NPAT: variants seen among roughly 807,000 people sequenced by gnomAD.
NPAT encodes the protein nuclear protein, coactivator of histone transcription, also known as protein NPAT.
A neutral mutation model predicts 130.7 loss-of-function variants in NPAT; 52 were observed. The observed-to-expected ratio is 0.40, with a 90% confidence interval of 0.32 to 0.50. The LOEUF (loss-of-function observed/expected upper bound fraction) is 0.50, where lower values mean the gene tolerates loss of function less well. Among genes scored for constraint, NPAT ranks in the 20% least tolerant of loss-of-function variants. The pLI, the probability that NPAT is intolerant of heterozygous loss-of-function variation, is 0.68. For missense variants in NPAT, 1,687 were observed against 1,662.6 expected (o/e 1.01, Z -0.26); for synonymous variants, 580 against 584.8 (o/e 0.99, Z 0.12).
chr11:108,166,847 T>C (rs1273312816), intron 15 of NPAT, among the ~76,000 whole-genome samples: 1 of 152,210 alleles, frequency 6.6e-6, no homozygotes, highest in African/African-American at 2.4e-5. Flanking sequence ...ATTGAATTTT[T>C]GATTCAACTT....
intron 1 of NPAT, among the ~76,000 whole-genome samples, chr11:108,214,744 T>G (rs982830697): frequency 5.9e-5 from 9 of 151,930 alleles, no homozygotes; most frequent in African/African-American, 2.2e-4. Flanking sequence ...GCGATTCTCC[T>G]GCCTCAGCCT....
At chr11:108,192,254 A>C in intron 3 of NPAT, 64 bp from the exon 4 acceptor site, 1 of 983,804 alleles carries the variant, frequency 1.0e-6, no homozygotes, top group Non-Finnish European at 1.6e-6. Flanking sequence ...TTCATTCTGA[A>C]CAAAGACACA....
chr11:108,205,532 G>A (rs1380954414), intron 1 of NPAT, among the ~76,000 whole-genome samples: 1 of 152,154 alleles, frequency 6.6e-6, no homozygotes, highest in Non-Finnish European at 1.5e-5. Flanking sequence ...CCCCCACAAA[G>A]TGCTGGGATT....
intron 17 of NPAT, among the ~76,000 whole-genome samples, chr11:108,159,778 A>C (rs1045711167): frequency 6.6e-6 from 1 of 152,100 alleles, no homozygotes; most frequent in Non-Finnish European, 1.5e-5. Flanking sequence ...TGGGAGGCCA[A>C]GGTGCGCAGA....
At chr11:108,203,208 G>A (rs779744192) in intron 1 of NPAT, among the ~76,000 whole-genome samples, 3 of 152,058 alleles carry the variant, frequency 2.0e-5, no homozygotes, top group Non-Finnish European at 4.4e-5. Flanking sequence ...TCTCACCAAT[G>A]ATTTCTTGCT....
chr11:108,188,041 TC>T (rs2078124989), intron 7 of NPAT, 56 bp downstream of exon 7: 2 of 1,182,308 alleles, frequency 1.7e-6, no homozygotes, highest in East Asian at 4.7e-5. Flanking sequence ...CTGATGTAAT[TC>T]TTTTTTTTTT....
At chr11:108,212,402 G>C (rs1048214983) in intron 1 of NPAT, among the ~76,000 whole-genome samples, 1 of 151,380 alleles carries the variant, frequency 6.6e-6, no homozygotes, top group Non-Finnish European at 1.5e-5. Context: ...GTGCATGCCT[G>C]TAATGCCAAC....
intron 6 of NPAT, among the ~76,000 whole-genome samples, chr11:108,188,469 A>C (rs906940724): frequency 2.0e-5 from 3 of 152,198 alleles, no homozygotes; most frequent in African/African-American, 7.2e-5. Flanking sequence ...GGGTGTAGAA[A>C]AGGATTTGGA....
Position 108,173,278 on chromosome 11 carries a change from G to T in NPAT, c.1706C>A (p.Ser569Ter). 6.2e-7 allele frequency: 1 copy of T among 1,611,242 alleles called. No homozygotes were observed. The highest frequency in any genetic ancestry group is 1.1e-5 in the South Asian group (1 of 90,960). ...CTTGTGAACTTCACTAGAATCTGAT[G>T]ACTTGGAACCATGAAAATTAATTTT... ...KLKINFHGSKSSDSSEVHKSK... is the reference protein window; with the variant it reads ...KLKINFHGSK Residue 569 changes from serine to a stop codon, truncating the protein, a stop_gained, in exon 13 of 18, where the codon TCA becomes TAA. Coordinates refer to ENST00000278612, the MANE Select transcript of NPAT (RefSeq NM_002519.3). LOFTEE classifies it high-confidence loss of function.
chr11:108,204,331 A>T (rs1315460876), intron 1 of NPAT, among the ~76,000 whole-genome samples: 1 of 151,998 alleles, frequency 6.6e-6, no homozygotes. Flanking sequence ...ACCACTCAAC[A>T]TGCACTCCCA....
chr11:108,214,241 T>C (rs1313268984), intron 1 of NPAT, among the ~76,000 whole-genome samples: 2 of 152,130 alleles, frequency 1.3e-5, no homozygotes, highest in African/African-American at 4.8e-5. Flanking sequence ...AAACAAAATA[T>C]GGCATATTCA....
At chr11:108,172,058 A>C in intron 13 of NPAT, 141 bp downstream of exon 13, 3 of 731,230 alleles carry the variant, frequency 4.1e-6, no homozygotes, top group Non-Finnish European at 2.4e-6. Flanking sequence ...TAGCATAAAG[A>C]AGCAGCGTAA....
rs77027404 is a variant in NPAT at position 108,209,940 on chromosome 11, G to A, written c.38-12520C>T. Among the ~76,000 whole-genome samples, 716 of 132,612 alleles carry A rather than the reference G, an allele frequency of 5.4e-3. 8 individuals are homozygous for A. Among genetic ancestry groups the A allele is most frequent in the African/African-American group, 0.02 (687 of 34,524 alleles). The allele number at this position is 132,612 out of a possible 152,430, so 87.0% of individuals were successfully genotyped here. A position where few individuals can be genotyped will look rare whatever the true frequency, so the allele number is the denominator to read the frequency against. On this transcript the variant is annotated intron_variant, in intron 1 of 17. Coordinates refer to ENST00000278612, the MANE Select transcript of NPAT (RefSeq NM_002519.3). Reference sequence around the variant, plus strand: ...TCAATAACCACATCATCTACCTTAAGAAACTAGAAAAAGAGCAAAGCAGAA... The same window carrying A: ...TCAATAACCACATCATCTACCTTAAAAAACTAGAAAAAGAGCAAAGCAGAA...
Position 108,160,888 on chromosome 11 carries a change from T to C in NPAT, c.4198A>G (p.Lys1400Glu). Residue 1400 changes from lysine to glutamate, a missense_variant, in exon 17 of 18, where the codon AAA becomes GAA. By Grantham distance (56) the Lys-to-Glu change is moderately conservative. Around this residue, in one of 3 missense-constraint regions of NPAT, gnomAD observed 1,379 missense variants for 1,346.6 expected, o/e 1.02. Coordinates refer to ENST00000278612, the MANE Select transcript of NPAT (RefSeq NM_002519.3). ...TNSSIPMKKK[K>E]IKKKKLPSSF... The stretch of plus-strand genomic sequence containing the variant: ...AAAACTTTCAAACTTGCCTTAATTT[T>C]CTTCTTTTTCATTGGTATTGATGAA... 1 of 1,613,186 alleles carries C rather than the reference T, an allele frequency of 6.2e-7. No homozygotes were observed. Among genetic ancestry groups the C allele is most frequent in the Non-Finnish European group, 8.5e-7 (1 of 1,179,680 alleles).
chr11:108,214,665 T>C (rs115199541), intron 1 of NPAT, among the ~76,000 whole-genome samples: 1,872 of 148,906 alleles, frequency 0.013, 50 homozygotes, highest in African/African-American at 0.043. Flanking sequence ...GGAGTCCCGC[T>C]CTTGTCACCT....
chr11:108,213,929 C>T (rs918165914), intron 1 of NPAT, among the ~76,000 whole-genome samples: 1 of 152,094 alleles, frequency 6.6e-6, no homozygotes. Flanking sequence ...GCTCTGTCAC[C>T]CAGGCTGAAG....
At chr11:108,174,790 T>C (rs1055129123) in intron 12 of NPAT, among the ~76,000 whole-genome samples, 1 of 152,040 alleles carries the variant, frequency 6.6e-6, no homozygotes, top group African/African-American at 2.4e-5. Context: ...GGCTAGCTTT[T>C]GTATTTTTAG....
At chr11:108,189,460 A>G (rs901421454) in intron 5 of NPAT, 130 bp from the exon 6 acceptor site, 8 of 759,848 alleles carry the variant, frequency 1.1e-5, no homozygotes, top group African/African-American at 1.0e-4. Flanking sequence ...ATTCCTAAAT[A>G]TATCAACTAA....
chr11:108,186,773 T>G lies in NPAT; in HGVS notation c.639-204A>C, dbSNP rs375945579. Reference sequence around the variant, plus strand: ...CCTACAGTCTGCACTAGGAAGCCCATGTATTCAAAAAGTCAGCACACTGCA... The same window carrying G: ...CCTACAGTCTGCACTAGGAAGCCCAGGTATTCAAAAAGTCAGCACACTGCA... On this transcript the variant is annotated intron_variant, in intron 7 of 17. Coordinates refer to ENST00000278612, the MANE Select transcript of NPAT (RefSeq NM_002519.3). Among the ~76,000 whole-genome samples, 5 of 152,292 alleles carry G rather than the reference T, an allele frequency of 3.3e-5. No individual in the cohort carries two copies. In the East Asian group the frequency reaches 7.7e-4, roughly 23 times the overall value.
Sources: gnomAD v4.1 joint callset for allele counts (sites outside exome capture counted in the v4.1 genomes callset) on GRCh38, gnomAD v4.1.1 for gene constraint, gnomAD v4.1.1 regional missense constraint, MANE v1.5 for transcripts, NCBI Gene and HGNC (gene_info 2026-07-23, HGNC 2026-07-21) for gene names.